CFAP92: variants seen among roughly 807,000 people sequenced by gnomAD.
CFAP92 encodes the protein uncharacterized protein CFAP92.
In CFAP92, 86 loss-of-function variants were observed where a neutral mutation model predicts 106.3. The observed-to-expected ratio is 0.81, with a 90% confidence interval of 0.68 to 0.97. CFAP92 has a LOEUF of 0.97. Ranked by LOEUF, CFAP92 falls within the 50% of genes least tolerant of loss-of-function variation. The pLI is 0.00. For synonymous variants in CFAP92, 477 were observed against 506.4 expected, an observed-to-expected ratio of 0.94 and a Z score of 0.78; for missense variants, 1,204 against 1,283.8, an observed-to-expected ratio of 0.94 and a Z score of 0.95.
Position 128,915,518 on chromosome 3 carries a change from T to G in CFAP92, c.2962A>C (p.Met988Leu). ...FTYSQDYLSA[M>L]VEPLDLKEEE... is the part of the protein sequence containing the mutation. ...TCCTTCAAGTCCAGGGGCTCCACCATGGCTGAGAGGTAATCCTGTGAGTAC... is the reference window on the plus strand; with the variant it reads ...TCCTTCAAGTCCAGGGGCTCCACCAGGGCTGAGAGGTAATCCTGTGAGTAC... The change falls in exon 14 of 16, where the codon ATG becomes CTG. Residue 988 changes from methionine to leucine, a missense_variant. Transcript: ENST00000645291. 1 of 1,535,494 alleles carries G rather than the reference T, an allele frequency of 6.5e-7. No homozygotes were observed. Among genetic ancestry groups the G allele is most frequent in the African/African-American group, 1.4e-5 (1 of 73,072 alleles).
upstream of CFAP92, among the ~76,000 whole-genome samples, chr3:129,005,474 T>A (rs578126304): frequency 6.6e-6 from 1 of 152,358 alleles, no homozygotes; most frequent in South Asian, 2.1e-4. Flanking sequence ...GGATTTCAGT[T>A]TTTCCCTTAA....
At chr3:128,938,007 T>C (rs1447579544) in intron 10 of CFAP92, among the ~76,000 whole-genome samples, 1 of 151,898 alleles carries the variant, frequency 6.6e-6, no homozygotes, top group Non-Finnish European at 1.5e-5. Flanking sequence ...GAGGTTGCAG[T>C]GAGCCGAGAT....
intron 9 of CFAP92, among the ~76,000 whole-genome samples, chr3:128,960,217 T>C (rs950503666): frequency 1.3e-5 from 2 of 152,256 alleles, no homozygotes; most frequent in African/African-American, 4.8e-5. Flanking sequence ...ACACAAAGCC[T>C]GTTTGGTGGT....
intron 10 of CFAP92, among the ~76,000 whole-genome samples, chr3:128,939,541 C>T (rs1223689077): frequency 6.6e-6 from 1 of 152,084 alleles, no homozygotes; most frequent in African/African-American, 2.4e-5. Flanking sequence ...ACCACCACCA[C>T]CATCATCAAT....
Position 128,970,495 on chromosome 3 carries a change from A to C in CFAP92, c.1168+792T>G, listed in dbSNP as rs573872145. ...ATGGCAAAAAAACGAACAAAGTCTG[A>C]ATTTTCTCTAAAAAGAAAAAAAAAG... On this transcript the variant is annotated intron_variant, in intron 8 of 15. Transcript: ENST00000645291. 9 of 152,222 alleles carry C rather than the reference A, an allele frequency of 5.9e-5. No individual in the cohort carries two copies. In the East Asian group the frequency reaches 1.7e-3, roughly 29 times the overall value. 9.4% of individuals were successfully genotyped at this position (152,222 alleles called of 1,614,324 possible).
At chr3:128,975,254 A>G (rs1943071276) in intron 7 of CFAP92, among the ~76,000 whole-genome samples, 2 of 152,250 alleles carry the variant, frequency 1.3e-5, no homozygotes. Flanking sequence ...TATCACAAAG[A>G]ATTGTAATTC....
In CFAP92 at chr3:129,002,343, G is replaced by C. The variant is rs149977586; in HGVS notation, n.117+231C>G. 8.4e-4 allele frequency: 1,272 copies of C among 1,511,718 alleles called. 11 individuals carry two copies. The African/African-American group carries it at 0.016, about 19-fold the overall frequency. 93.6% of individuals were successfully genotyped at this position (1,511,718 alleles called of 1,614,324 possible). A position where few individuals can be genotyped will look rare whatever the true frequency, so the allele number is the denominator to read the frequency against. On this transcript the variant is annotated intron_variant and non_coding_transcript_variant, in intron 1 of 4. Transcript: ENST00000510149. ...ACTGCAGGTGCGCGCCGGCCACGAA[G>C]GGAGGGTGGTAACGCCCGGGAGAGG...
chr3:129,004,212 C>T (rs72977194), upstream of CFAP92: 7,753 of 1,152,540 alleles, frequency 6.7e-3, 390 homozygotes, highest in African/African-American at 0.11. Flanking sequence ...TGTATTCTTT[C>T]ATTCCTTTGT....
chr3:128,933,091 G>A (rs1380505096), intron 11 of CFAP92, 94 bp from the exon 12 acceptor site: 6 of 1,202,092 alleles, frequency 5.0e-6, no homozygotes, highest in Non-Finnish European at 7.0e-6. Context: ...AACACTCAGA[G>A]GCTGCTTAGC....
At chr3:128,959,685 G>T (rs1042523768) in intron 9 of CFAP92, among the ~76,000 whole-genome samples, 2 of 152,214 alleles carry the variant, frequency 1.3e-5, no homozygotes, top group East Asian at 3.8e-4. Flanking sequence ...CCTGAAGGGA[G>T]GTTCATGACC....
chr3:128,993,862 G>GAACGCCGGGCA lies in CFAP92; in HGVS notation c.-33+107_-33+117dup, dbSNP rs1258577974. Reference sequence around the variant, plus strand: ...GCATCAGCTCAGGCCCATGGAGGCGGAACGCCGGGCAAACGCCGAAGAGGG... The same window carrying GAACGCCGGGCA: ...GCATCAGCTCAGGCCCATGGAGGCGGAACGCCGGGCAAACGCCGGGCAAACGCCGAAGAGGG... On this transcript the variant is annotated intron_variant, in intron 1 of 15. Coordinates refer to ENST00000645291, the MANE Select transcript of CFAP92 (RefSeq NM_001394090.1). 7.7e-6 allele frequency: 6 copies of GAACGCCGGGCA among 779,470 alleles called. No individual in the cohort carries two copies. In the East Asian group the frequency reaches 6.2e-4, roughly 81 times the overall value. The allele number at this position is 779,470 out of a possible 1,614,324, so 48.3% of individuals were successfully genotyped here.
At chr3:128,912,689 T>A (rs1377198841) in intron 15 of CFAP92, 2 of 1,263,350 alleles carry the variant, frequency 1.6e-6, no homozygotes, top group Admixed American at 1.7e-5. Context: ...TTTCAGAAGG[T>A]GTTGGGATTA....
At chr3:129,002,691 G>A, upstream of CFAP92, 1 of 260,004 alleles carries the variant, frequency 3.8e-6, no homozygotes, top group Non-Finnish European at 7.2e-6. Flanking sequence ...TCTCCTTCCT[G>A]CCAGGCTTCT....
chr3:128,923,057 A>G (rs1937424587), intron 12 of CFAP92, among the ~76,000 whole-genome samples: 1 of 152,250 alleles, frequency 6.6e-6, no homozygotes, highest in Non-Finnish European at 1.5e-5. Flanking sequence ...CAAATGCTTC[A>G]CCAATGGTAT....
chr3:128,939,461 A>T (rs533894357), intron 10 of CFAP92, among the ~76,000 whole-genome samples: 1 of 152,192 alleles, frequency 6.6e-6, no homozygotes, highest in African/African-American at 2.4e-5. Context: ...TAATTGAGAT[A>T]TAATTTACAT....
At chr3:128,910,986 C>A (rs954180980) in intron 15 of CFAP92, among the ~76,000 whole-genome samples, 8 of 152,190 alleles carry the variant, frequency 5.3e-5, no homozygotes, top group Non-Finnish European at 1.0e-4. Context: ...GCCCACCAGG[C>A]ACTGTAGGTG....
Position 128,910,099 on chromosome 3 carries a change from T to C in CFAP92, c.*200A>G, listed in dbSNP as rs1936095738. 6.2e-7 allele frequency: 1 copy of C among 1,613,586 alleles called. No individual in the cohort carries two copies. On this transcript the variant is annotated 3_prime_UTR_variant, in exon 16 of 16. Transcript: ENST00000645291. ...CCTGTATGGCATGACGGCCGTGCTG[T>C]CGCGGGCCAGCCGCTCCATCCGCAT... is the stretch of plus-strand genomic sequence containing the variant.
At chr3:128,998,773 A>T (rs1397572458), upstream of CFAP92, among the ~76,000 whole-genome samples, 1 of 152,194 alleles carries the variant, frequency 6.6e-6, no homozygotes, top group Non-Finnish European at 1.5e-5. Context: ...CTGTTTACAA[A>T]GCTCAGTTCC....
At position 128,979,225 on chromosome 3, in the gene CFAP92, G is replaced by A. The variant is rs917955051; in HGVS notation, c.668-1040C>T. Among the ~76,000 whole-genome samples, 4 of 152,206 alleles carry A rather than the reference G, an allele frequency of 2.6e-5. No homozygotes were observed. In the East Asian group the frequency reaches 5.8e-4, roughly 22 times the overall value. ...TCATCATCACTGGCCATCAGAGAAT[G>A]CAAGTCAAAACCACAATGAAATACC... On this transcript the variant is annotated intron_variant, in intron 4 of 15. Coordinates refer to ENST00000645291, the MANE Select transcript of CFAP92 (RefSeq NM_001394090.1).
Sources: gnomAD v4.1 joint callset for allele counts (sites outside exome capture counted in the v4.1 genomes callset) on GRCh38, gnomAD v4.1.1 for gene constraint, MANE v1.5 for transcripts, NCBI Gene and HGNC (gene_info 2026-07-23, HGNC 2026-07-21) for gene names.